ZNF573: variants seen among roughly 807,000 people sequenced by gnomAD.
The protein encoded by ZNF573 is zinc finger protein 573.
A neutral mutation model predicts 57.4 loss-of-function variants in ZNF573; 41 were observed. That is an observed-to-expected ratio of 0.71 (90% CI 0.56 to 0.93). The LOEUF (loss-of-function observed/expected upper bound fraction) is 0.93. Ranked by LOEUF, ZNF573 falls within the 40% of genes least tolerant of loss-of-function variation. The pLI is 0.00. For synonymous variants in ZNF573, 249 were observed against 261.0 expected (o/e 0.95, Z 0.44); for missense variants, 730 against 794.8 (o/e 0.92, Z 0.98).
intron 4 of ZNF573, among the ~76,000 whole-genome samples, chr19:37,761,664 C>A (rs1328215454): frequency 6.6e-6 from 1 of 152,150 alleles, no homozygotes; most frequent in African/African-American, 2.4e-5. Flanking sequence ...TCTGAGAGGC[C>A]AAGAAGAACC....
At chr19:37,762,589 G>A (rs1478553554) in intron 4 of ZNF573, among the ~76,000 whole-genome samples, 6 of 152,032 alleles carry the variant, frequency 3.9e-5, no homozygotes, top group African/African-American at 1.4e-4. Context: ...CATTATTTAT[G>A]GTAACAATGA....
chr19:37,753,331 C>T (rs1175584391), intron 4 of ZNF573, among the ~76,000 whole-genome samples: 3 of 151,958 alleles, frequency 2.0e-5, no homozygotes, highest in African/African-American at 7.3e-5. Flanking sequence ...GTAAATGGAA[C>T]ATCCATCACC....
intron 4 of ZNF573, among the ~76,000 whole-genome samples, chr19:37,743,058 C>A (rs2045341673): frequency 6.6e-6 from 1 of 152,130 alleles, no homozygotes; most frequent in South Asian, 2.1e-4. Context: ...GTGGCTCATG[C>A]CTGTAATCCC....
At chr19:37,778,157 G>A (rs1197708408) in intron 1 of ZNF573, among the ~76,000 whole-genome samples, 1 of 151,136 alleles carries the variant, frequency 6.6e-6, no homozygotes, top group Non-Finnish European at 1.5e-5. Context: ...GTGTCTTAAA[G>A]TCTCATTGGT....
At chr19:37,744,562 A>T (rs573398510) in intron 4 of ZNF573, among the ~76,000 whole-genome samples, 2 of 150,994 alleles carry the variant, frequency 1.3e-5, no homozygotes, top group Non-Finnish European at 3.0e-5. Flanking sequence ...ACACAATAAG[A>T]CCTCTTCTTT....
chr19:37,767,349 C>A (rs1052371385), intron 4 of ZNF573, among the ~76,000 whole-genome samples: 1 of 152,182 alleles, frequency 6.6e-6, no homozygotes, highest in Non-Finnish European at 1.5e-5. Context: ...CTGCCTCAGC[C>A]TCCTGAGTAG....
At chr19:37,744,838 G>A (rs1448617182) in intron 4 of ZNF573, among the ~76,000 whole-genome samples, 1 of 151,538 alleles carries the variant, frequency 6.6e-6, no homozygotes, top group Non-Finnish European at 1.5e-5. Flanking sequence ...TTGGAGTGCA[G>A]TGGTGCGATC....
In ZNF573 at chr19:37,746,392, C is replaced by T. The variant is rs80105453; in HGVS notation, c.296-6198G>A. Among the ~76,000 whole-genome samples, 102 of 152,210 alleles carry T rather than the reference C, an allele frequency of 6.7e-4. No individual in the cohort carries two copies. The East Asian group carries it at 0.017, about 25-fold the overall frequency. On this transcript the variant is annotated intron_variant, in intron 4 of 4. Coordinates refer to ENST00000536220, the MANE Select transcript of ZNF573 (RefSeq NM_001172690.2). ...TGGACGGGGAGAGCCAGTTTTCCTG[C>T]TGTCAGGGTAAAAAGTTACATATAA...
chr19:37,744,939 G>A (rs1485111970), intron 4 of ZNF573, among the ~76,000 whole-genome samples: 2 of 151,226 alleles, frequency 1.3e-5, no homozygotes, highest in Admixed American at 1.3e-4. Context: ...CCGCCACCAC[G>A]CCCCGCTAAA....
At chr19:37,763,267 A>G (rs779191302) in intron 4 of ZNF573, among the ~76,000 whole-genome samples, 1 of 151,384 alleles carries the variant, frequency 6.6e-6, no homozygotes, top group Non-Finnish European at 1.5e-5. Context: ...TATATATATT[A>G]TAAATATATA....
At position 37,750,112 on chromosome 19, in the gene ZNF573, T is replaced by C. The variant is rs2045419260; in HGVS notation, c.296-9918A>G. Among the ~76,000 whole-genome samples, 6 of 151,316 alleles carry C rather than the reference T, an allele frequency of 4.0e-5. No individual in the cohort carries two copies. The South Asian group carries it at 1.3e-3, about 32-fold the overall frequency. On this transcript the variant is annotated intron_variant, in intron 4 of 4. Coordinates refer to ENST00000536220, the MANE Select transcript of ZNF573 (RefSeq NM_001172690.2). ...TTTTTTTTTTTTTTGAGATGGAGTC[T>C]CCCTTTGTTGCCCAGGCTGGGGTGC...
At chr19:37,777,463 C>T (rs2045720111) in intron 1 of ZNF573, among the ~76,000 whole-genome samples, 1 of 151,980 alleles carries the variant, frequency 6.6e-6, no homozygotes, top group Non-Finnish European at 1.5e-5. Flanking sequence ...TACTACTCAG[C>T]CATAAAAAGG....
At chr19:37,750,831 CAA>C (rs537735677) in intron 4 of ZNF573, among the ~76,000 whole-genome samples, 9 of 98,194 alleles carry the variant, frequency 9.2e-5, no homozygotes, top group East Asian at 3.8e-4. Context: ...GACCCAGTCT[CAA>C]AAAAAAAAAA....
At chr19:37,757,581 T>C (rs2045501621) in intron 4 of ZNF573, among the ~76,000 whole-genome samples, 1 of 152,180 alleles carries the variant, frequency 6.6e-6, no homozygotes, top group Non-Finnish European at 1.5e-5. Context: ...AAATTACTTT[T>C]ACACTGTTGG....
intron 4 of ZNF573, among the ~76,000 whole-genome samples, chr19:37,750,443 C>G (rs1392052175): frequency 6.6e-6 from 1 of 151,948 alleles, no homozygotes; most frequent in African/African-American, 2.4e-5. Flanking sequence ...CTCATGAAAC[C>G]TAAAGAAAAC....
At chr19:37,764,531 G>T (rs1172493214) in intron 4 of ZNF573, among the ~76,000 whole-genome samples, 5 of 151,380 alleles carry the variant, frequency 3.3e-5, no homozygotes, top group Admixed American at 2.0e-4. Context: ...ATGTTGGCCA[G>T]AATGGTCTCG....
intron 4 of ZNF573, among the ~76,000 whole-genome samples, chr19:37,767,222 G>C (rs962336701): frequency 6.6e-6 from 1 of 151,584 alleles, no homozygotes; most frequent in Admixed American, 6.6e-5. Flanking sequence ...AAAACGGCAT[G>C]AGATTCATTC....
intron 1 of ZNF573, among the ~76,000 whole-genome samples, chr19:37,777,510 T>C (rs2045720471): frequency 6.6e-6 from 1 of 152,038 alleles, no homozygotes; most frequent in Non-Finnish European, 1.5e-5. Flanking sequence ...CTGAATGGAG[T>C]TGGAGACCAT....
rs116908521 is a variant in ZNF573, at chr19:37,759,853, T to C, written c.295+10152A>G. ...ATAATGGCGTATCAACCTTCACTCG[T>C]CTTTGTTCATTTTCACTGCAACTGG... is the stretch of plus-strand genomic sequence containing the variant. On this transcript the variant is annotated intron_variant, in intron 4 of 4. Coordinates refer to ENST00000536220, the MANE Select transcript of ZNF573 (RefSeq NM_001172690.2). Among the ~76,000 whole-genome samples, 920 of 152,362 alleles carry C rather than the reference T, an allele frequency of 6.0e-3. 11 individuals carry two copies. The highest frequency in any genetic ancestry group is 8.2e-3 in the Non-Finnish European group (558 of 68,028).
Sources: allele counts gnomAD v4.1 joint callset (sites outside exome capture counted in the v4.1 genomes callset), GRCh38; gene constraint gnomAD v4.1.1; transcripts MANE v1.5; gene names NCBI Gene and HGNC (gene_info 2026-07-23, HGNC 2026-07-21).